TBL1XR1: variants seen among roughly 807,000 people sequenced by gnomAD.
The protein encoded by TBL1XR1 is TBL1X/Y related 1, also known as F-box-like/WD repeat-containing protein TBL1XR1.
In TBL1XR1, 5 loss-of-function variants were observed where a neutral mutation model predicts 66.9. That is an observed-to-expected ratio of 0.07 (90% confidence interval 0.04 to 0.16). The LOEUF (loss-of-function observed/expected upper bound fraction) is 0.16, where lower values mean the gene tolerates loss of function less well. Ranked by LOEUF, TBL1XR1 falls within the 10% of genes least tolerant of loss-of-function variation. The pLI is 1.00. For synonymous variants in TBL1XR1, 210 were observed against 206.0 expected (o/e 1.02, Z -0.17); for missense variants, 238 against 623.2 (o/e 0.38, Z 6.58).
chr3:177,152,401 C>A (rs147428316), intron 1 of TBL1XR1, among the ~76,000 whole-genome samples: 1 of 151,994 alleles, frequency 6.6e-6, no homozygotes, highest in East Asian at 1.9e-4. Flanking sequence ...CTGCAACGTC[C>A]GCCTCCTGGG....
intron 1 of TBL1XR1, among the ~76,000 whole-genome samples, chr3:177,165,520 G>A (rs916976240): frequency 6.6e-6 from 1 of 152,080 alleles, no homozygotes; most frequent in African/African-American, 2.4e-5. Context: ...TTTTTTTGAA[G>A]GAGAGAACAA....
Position 177,023,700 on chromosome 3 carries a change from TA to T in TBL1XR1, c.*1797del, listed in dbSNP as rs1712690597. ...ACTTGCTTCAATCAATGCTGTTTTG[TA>T]AAAATAGCAAAGCAACGAATGCTGA... On this transcript the variant is annotated 3_prime_UTR_variant, in exon 16 of 16. Transcript: ENST00000457928. 1 of 152,506 alleles carries T rather than the reference TA, an allele frequency of 6.6e-6. No individual in the cohort carries two copies. Among genetic ancestry groups the T allele is most frequent in the African/African-American group, 2.4e-5 (1 of 41,436 alleles). The allele number at this position is 152,506 out of a possible 1,614,324, so 9.4% of individuals were successfully genotyped here.
At chr3:177,040,944 T>C (rs768282409) in intron 10 of TBL1XR1, 15 of 152,170 alleles carry the variant, frequency 9.9e-5, no homozygotes, top group Non-Finnish European at 1.3e-4. Context: ...ATTTTTAAAA[T>C]ATTTAATCCT....
Position 177,151,884 on chromosome 3 carries a change from C to T in TBL1XR1, c.-122+45237G>A, listed in dbSNP as rs535100238. ...ACTAAAAATACAAAAATCAGCCGGG[C>T]GTGGTGGCAGGCACCCGTAATCCCA... is the stretch of plus-strand genomic sequence containing the variant. On this transcript the variant is annotated intron_variant, in intron 1 of 15. Transcript: ENST00000457928. Among the ~76,000 whole-genome samples the T allele has an allele frequency of 2.0e-3, 304 of 152,210 alleles. 1 individual carries two copies. Among genetic ancestry groups the T allele is most frequent in the African/African-American group, 7.2e-3 (297 of 41,528 alleles).
At chr3:177,142,923 GAC>G (rs1729794355) in intron 1 of TBL1XR1, among the ~76,000 whole-genome samples, 1 of 151,952 alleles carries the variant, frequency 6.6e-6, no homozygotes, top group Admixed American at 6.6e-5. Context: ...ACAAAAAAAA[GAC>G]AGCATTCTGC....
intron 2 of TBL1XR1, among the ~76,000 whole-genome samples, chr3:177,092,600 T>C (rs995867117): frequency 6.6e-6 from 1 of 152,072 alleles, no homozygotes; most frequent in Non-Finnish European, 1.5e-5. Flanking sequence ...TCACATCCAT[T>C]AAGATGGGCA....
At chr3:177,066,826 T>C (rs1026827793) in intron 2 of TBL1XR1, among the ~76,000 whole-genome samples, 3 of 152,186 alleles carry the variant, frequency 2.0e-5, no homozygotes, top group Non-Finnish European at 4.4e-5. Context: ...ACTGAACGGT[T>C]GGTACTGTCA....
intron 1 of TBL1XR1, among the ~76,000 whole-genome samples, chr3:177,126,800 TCCC>T (rs1438657338): frequency 1.2e-5 from 1 of 85,250 alleles, no homozygotes; most frequent in African/African-American, 5.0e-5. Flanking sequence ...CTTGATTTCA[TCCC>T]CCATTTTCAG....
At chr3:177,136,425 G>A (rs946361686) in intron 1 of TBL1XR1, among the ~76,000 whole-genome samples, 6 of 151,962 alleles carry the variant, frequency 3.9e-5, no homozygotes, top group East Asian at 1.9e-4. Flanking sequence ...GCAAGCAGGC[G>A]CCAGCCACTA....
At chr3:177,052,112 T>C (rs1375740353) in intron 4 of TBL1XR1, among the ~76,000 whole-genome samples, 2 of 152,260 alleles carry the variant, frequency 1.3e-5, no homozygotes, top group Non-Finnish European at 2.9e-5. Context: ...TGCCCCATTA[T>C]AGTAAATACA....
intron 1 of TBL1XR1, among the ~76,000 whole-genome samples, chr3:177,185,580 T>A (rs1422205029): frequency 6.6e-6 from 1 of 150,892 alleles, no homozygotes; most frequent in Non-Finnish European, 1.5e-5. Context: ...TGCACTCCAG[T>A]CTGGGTCACA....
chr3:177,110,542 C>T (rs1309034360), intron 1 of TBL1XR1, among the ~76,000 whole-genome samples: 4 of 151,948 alleles, frequency 2.6e-5, no homozygotes, highest in Non-Finnish European at 5.9e-5. Flanking sequence ...CAGCAGAAGA[C>T]AAAGAGGAGG....
chr3:177,102,476 T>C (rs1191610548), intron 1 of TBL1XR1, among the ~76,000 whole-genome samples: 1 of 152,204 alleles, frequency 6.6e-6, no homozygotes, highest in East Asian at 1.9e-4. Context: ...CACCACGTAA[T>C]TAAAATAAAC....
At chr3:177,096,991 G>A (rs1723579043) in intron 2 of TBL1XR1, among the ~76,000 whole-genome samples, 1 of 152,076 alleles carries the variant, frequency 6.6e-6, no homozygotes, top group Non-Finnish European at 1.5e-5. Flanking sequence ...AACAGGAAAA[G>A]GAGGAGGTCA....
At position 177,050,148 on chromosome 3, in the gene TBL1XR1, TATGCA is replaced by T; in HGVS notation, c.561-15_561-11del. ...TGTTGAGTCTCCAGACCTATAAAAG[TATGCA>T]ATATATTTTAGATCCTCATGACATT... On this transcript the variant is annotated splice_polypyrimidine_tract_variant and intron_variant, in intron 6 of 15. Transcript: ENST00000457928. 6.2e-7 allele frequency: 1 copy of T among 1,612,256 alleles called. No homozygotes were observed. The highest frequency in any genetic ancestry group is 1.3e-5 in the African/African-American group (1 of 74,994).
chr3:177,197,313 C>T lies in TBL1XR1; in HGVS notation c.-314G>A, dbSNP rs1272822381. On this transcript the variant is annotated 5_prime_UTR_variant, in exon 1 of 16. Coordinates refer to ENST00000457928, the MANE Select transcript of TBL1XR1 (RefSeq NM_024665.7). ...GCCGGGCGGGCGGGGGCGGGGAGCGCGGCGCGGGTCCCCAGGTGGCGAGCG... is the reference window on the plus strand; with the variant it reads ...GCCGGGCGGGCGGGGGCGGGGAGCGTGGCGCGGGTCCCCAGGTGGCGAGCG... 1.4e-5 allele frequency: 2 copies of T among 142,990 alleles called. No individual in the cohort carries two copies. Among genetic ancestry groups the T allele is most frequent in the Non-Finnish European group, 3.1e-5 (2 of 64,556 alleles). 8.9% of individuals were successfully genotyped at this position (142,990 alleles called of 1,614,324 possible).
intron 3 of TBL1XR1, among the ~76,000 whole-genome samples, chr3:177,058,965 G>A (rs1718165327): frequency 6.6e-6 from 1 of 152,204 alleles, no homozygotes; most frequent in African/African-American, 2.4e-5. Flanking sequence ...TATGACAACT[G>A]CTTGCTGTTT....
At chr3:177,101,479 G>A (rs1390437042) in intron 1 of TBL1XR1, among the ~76,000 whole-genome samples, 1 of 152,178 alleles carries the variant, frequency 6.6e-6, no homozygotes, top group Non-Finnish European at 1.5e-5. Flanking sequence ...TGGAGGTGGG[G>A]CCTTTGAGAG....
At chr3:177,106,541 AG>A (rs1280797773) in intron 1 of TBL1XR1, among the ~76,000 whole-genome samples, 1 of 152,230 alleles carries the variant, frequency 6.6e-6, no homozygotes, top group Non-Finnish European at 1.5e-5. Flanking sequence ...GGAGCCACAC[AG>A]GTGGGTTTGG....
Sources: gnomAD v4.1 joint callset for allele counts (sites outside exome capture counted in the v4.1 genomes callset) on GRCh38, gnomAD v4.1.1 for gene constraint, MANE v1.5 for transcripts, NCBI Gene and HGNC (gene_info 2026-07-23, HGNC 2026-07-21) for gene names.